Variants in EGFLAM observed in about 807,000 individuals in gnomAD.
EGFLAM encodes pikachurin.
EGFLAM carries 79 observed loss-of-function variants against 113.1 expected under a neutral mutation model. That is an observed-to-expected ratio of 0.70 (90% CI 0.58 to 0.84). EGFLAM has a LOEUF of 0.84. Among genes scored for constraint, EGFLAM ranks in the 40% least tolerant of loss-of-function variants. EGFLAM has a pLI of 0.00. For missense variants in EGFLAM, 1,265 were observed against 1,291.6 expected, an observed-to-expected ratio of 0.98 and a Z score of 0.32; for synonymous variants, 504 against 487.6, an observed-to-expected ratio of 1.03 and a Z score of -0.44.
rs189984070 is a variant in EGFLAM at position 38,357,777 on chromosome 5, A to T, written c.545+5446A>T. 7.9e-5 allele frequency among the ~76,000 whole-genome samples: 12 copies of T among 151,920 alleles called. No homozygotes were observed. The East Asian group carries it at 2.3e-3, about 29-fold the overall frequency. On this transcript the variant is annotated intron_variant, in intron 5 of 21. Transcript: ENST00000322350. ...CAGTTCTCTCTCTGTCCTCATGGGC[A>T]CTTCTGCATCATTTACTCTTCTTAT...
chr5:38,458,237 C>A, intron 19 of EGFLAM, 74 bp from the exon 20 acceptor site: 3 of 1,336,904 alleles, frequency 2.2e-6, no homozygotes, highest in Non-Finnish European at 3.0e-6. Context: ...CCCTGAGAAT[C>A]GTCTGTGAAC....
intron 1 of EGFLAM, among the ~76,000 whole-genome samples, chr5:38,272,483 G>C (rs1174381230): frequency 6.6e-6 from 1 of 152,174 alleles, no homozygotes; most frequent in Non-Finnish European, 1.5e-5. Context: ...CTGCCATAAT[G>C]AGAACTAACT....
intron 18 of EGFLAM, among the ~76,000 whole-genome samples, chr5:38,450,674 G>A (rs1013989196): frequency 7.9e-5 from 12 of 152,182 alleles, no homozygotes; most frequent in African/African-American, 2.9e-4. Context: ...CTAAGAGCAT[G>A]TCAGCCTGTG....
chr5:38,435,931 C>G (rs186450285), intron 16 of EGFLAM, among the ~76,000 whole-genome samples: 1 of 150,602 alleles, frequency 6.6e-6, no homozygotes, highest in African/African-American at 2.4e-5. Context: ...GATTCTCCTG[C>G]CTTAGCCTCC....
intron 1 of EGFLAM, among the ~76,000 whole-genome samples, chr5:38,304,739 C>A (rs1758683273): frequency 1.3e-5 from 2 of 152,108 alleles, no homozygotes; most frequent in African/African-American, 4.8e-5. Context: ...GTGCCTCTAA[C>A]ATGAAAGATA....
chr5:38,460,119 A>G (rs1475119288), intron 20 of EGFLAM, among the ~76,000 whole-genome samples: 1 of 152,242 alleles, frequency 6.6e-6, no homozygotes, highest in Non-Finnish European at 1.5e-5. Flanking sequence ...CCAAAGGAAT[A>G]TGAAATGCTT....
At chr5:38,401,320 T>A (rs1341676735) in intron 6 of EGFLAM, 1 of 152,190 alleles carries the variant, frequency 6.6e-6, no homozygotes, top group Non-Finnish European at 1.5e-5. Context: ...TATCTTTAGA[T>A]ACTTGATGCC....
intron 1 of EGFLAM, among the ~76,000 whole-genome samples, chr5:38,331,545 G>A (rs989019793): frequency 5.3e-5 from 8 of 152,022 alleles, no homozygotes; most frequent in African/African-American, 1.7e-4. Context: ...AAGTTTCCTC[G>A]ATGTGGAAAC....
intron 1 of EGFLAM, among the ~76,000 whole-genome samples, chr5:38,309,441 G>A (rs534657438): frequency 2.0e-5 from 3 of 152,298 alleles, no homozygotes; most frequent in African/African-American, 7.2e-5. Context: ...TTATATTTAA[G>A]CCCATCACTA....
chr5:38,320,303 T>C (rs907981576), intron 1 of EGFLAM, among the ~76,000 whole-genome samples: 1 of 152,214 alleles, frequency 6.6e-6, no homozygotes, highest in Non-Finnish European at 1.5e-5. Flanking sequence ...TGCAAATTCT[T>C]GGGACCTCTT....
chr5:38,285,483 G>A (rs1758137053), intron 1 of EGFLAM, among the ~76,000 whole-genome samples: 2 of 152,126 alleles, frequency 1.3e-5, no homozygotes, highest in East Asian at 1.9e-4. Flanking sequence ...AGTGGGTGGG[G>A]GAGGTGATGC....
intron 6 of EGFLAM, chr5:38,403,777 T>A: frequency 1.9e-6 from 3 of 1,601,480 alleles, no homozygotes; most frequent in Non-Finnish European, 2.6e-6. Context: ...GGGGGACTGC[T>A]TGCTGTACAA....
chr5:38,431,671 C>G (rs1309617932), intron 15 of EGFLAM, among the ~76,000 whole-genome samples: 4 of 152,174 alleles, frequency 2.6e-5, no homozygotes, highest in Non-Finnish European at 5.9e-5. Flanking sequence ...CAAGAACAGG[C>G]TGTAAGTCCA....
At chr5:38,350,986 A>G (rs1739605955) in intron 4 of EGFLAM, among the ~76,000 whole-genome samples, 1 of 152,130 alleles carries the variant, frequency 6.6e-6, no homozygotes, top group Non-Finnish European at 1.5e-5. Flanking sequence ...GAATGCAACT[A>G]ATGTTTATTG....
chr5:38,451,552 A>G (rs1311714656), intron 19 of EGFLAM, 94 bp downstream of exon 19: 11 of 1,505,520 alleles, frequency 7.3e-6, no homozygotes, highest in African/African-American at 1.4e-5. Context: ...GCCAGAACAC[A>G]GTCTGCTGGA....
At chr5:38,342,553 A>G (rs115989439) in intron 3 of EGFLAM, among the ~76,000 whole-genome samples, 1,675 of 152,308 alleles carry the variant, frequency 0.011, 10 homozygotes, top group Non-Finnish European at 0.018. Flanking sequence ...GTTGGGCTGC[A>G]TTGTTTGATA....
At chr5:38,359,399 G>A (rs2561099) in intron 5 of EGFLAM, among the ~76,000 whole-genome samples, 72,922 of 152,038 alleles carry the variant, frequency 0.48, 19,550 homozygotes, top group East Asian at 0.58. Flanking sequence ...ACCATTGGCC[G>A]CGCGCAGTGG....
chr5:38,278,459 A>G (rs954826060), intron 1 of EGFLAM, among the ~76,000 whole-genome samples: 2 of 152,050 alleles, frequency 1.3e-5, no homozygotes, highest in Non-Finnish European at 2.9e-5. Context: ...AAACATAGGC[A>G]AAGAGCTCTA....
chr5:38,290,406 C>A (rs1758293709), intron 1 of EGFLAM, among the ~76,000 whole-genome samples: 1 of 152,216 alleles, frequency 6.6e-6, no homozygotes, highest in African/African-American at 2.4e-5. Context: ...GAGGAAGCTT[C>A]AGTTTTCTGG....
Sources: allele counts gnomAD v4.1 joint callset (sites outside exome capture counted in the v4.1 genomes callset), GRCh38; gene constraint gnomAD v4.1.1; transcripts MANE v1.5; gene names NCBI Gene and HGNC (gene_info 2026-07-23, HGNC 2026-07-21).